Variants in SPECC1L observed in about 807,000 individuals in gnomAD.
The protein encoded by SPECC1L is sperm antigen with calponin homology and coiled-coil domains 1 like, also known as cytospin-A.
SPECC1L carries 40 observed loss-of-function variants against 116.8 expected under a neutral mutation model. The ratio of observed to expected loss-of-function variants is 0.34; its 90% CI spans 0.27 to 0.45. The LOEUF is 0.45. Ranked by LOEUF, SPECC1L falls within the 20% of genes least tolerant of loss-of-function variation. The probability of loss-of-function intolerance (pLI) is 1.00; values close to 1 mark genes in which losing one functional copy is unlikely to be tolerated. For missense variants in SPECC1L, 1,110 were observed against 1,373.6 expected, an observed-to-expected ratio of 0.81 and a Z score of 3.03; for synonymous variants, 504 against 500.6, an observed-to-expected ratio of 1.01 and a Z score of -0.09.
chr22:24,322,959 G>A (rs1183012090), intron 5 of SPECC1L, 41 bp downstream of exon 5: 4 of 1,611,278 alleles, frequency 2.5e-6, no homozygotes, highest in Non-Finnish European at 3.4e-6. Flanking sequence ...ACAGCATTAG[G>A]CAGCTGCCAT....
Position 24,322,430 on chromosome 22 carries a change from A to G in SPECC1L, c.1450A>G (p.Lys484Glu), listed in dbSNP as rs555677665. The change falls in exon 5 of 17, where the codon AAA becomes GAA. Residue 484 changes from lysine to glutamate, a missense_variant. Lys to Glu is a moderately conservative substitution (Grantham distance 56). This residue lies in a region of SPECC1L where 575 missense variants were observed against 682.4 expected (regional missense o/e 0.84). Transcript: ENST00000314328. ...HISYVIDEDVKSGRYMELEQR... is the reference protein window; with the variant it reads ...HISYVIDEDVESGRYMELEQR... ...TTCTTATGTCATAGATGAAGATGTA[A>G]AAAGTGGGCGCTATATGGAATTAGA... 1.2e-6 allele frequency: 2 copies of G among 1,614,202 alleles called. No individual in the cohort carries two copies. Among genetic ancestry groups the G allele is most frequent in the East Asian group, 4.5e-5 (2 of 44,882 alleles).
At chr22:24,395,336 T>C (rs2042346444) in intron 14 of SPECC1L, among the ~76,000 whole-genome samples, 1 of 152,200 alleles carries the variant, frequency 6.6e-6, no homozygotes, top group African/African-American at 2.4e-5. Flanking sequence ...GGTGAACTTT[T>C]TGGCCTGTGG....
intron 5 of SPECC1L, 47 bp downstream of exon 5, chr22:24,322,965 G>A (rs1159471908): frequency 1.2e-6 from 2 of 1,608,852 alleles, no homozygotes; most frequent in Admixed American, 3.3e-5. Flanking sequence ...TTAGGCAGCT[G>A]CCATGCACAG....
chr22:24,319,359 G>C (rs2040671759), intron 4 of SPECC1L, among the ~76,000 whole-genome samples: 1 of 152,158 alleles, frequency 6.6e-6, no homozygotes, highest in South Asian at 2.1e-4. Flanking sequence ...CTTACCATCG[G>C]CTGTCATGAG....
intron 4 of SPECC1L, among the ~76,000 whole-genome samples, chr22:24,318,348 G>A (rs1424056033): frequency 6.6e-6 from 1 of 152,194 alleles, no homozygotes; most frequent in Non-Finnish European, 1.5e-5. Context: ...GCGAAACCCC[G>A]TCTCCACCCA....
chr22:24,283,183 A>G (rs1429897599), intron 2 of SPECC1L, among the ~76,000 whole-genome samples: 1 of 151,966 alleles, frequency 6.6e-6, no homozygotes, highest in Non-Finnish European at 1.5e-5. Flanking sequence ...GGTTCACACC[A>G]TTCTCCTGCG....
chr22:24,358,295 G>A (rs1211072545), intron 11 of SPECC1L, among the ~76,000 whole-genome samples: 2 of 151,630 alleles, frequency 1.3e-5, no homozygotes, highest in East Asian at 1.9e-4. Flanking sequence ...TTTTGTAGAG[G>A]TGGGGTCTTG....
At chr22:24,290,213 G>A (rs1432219067) in intron 2 of SPECC1L, among the ~76,000 whole-genome samples, 3 of 152,200 alleles carry the variant, frequency 2.0e-5, no homozygotes, top group Non-Finnish European at 4.4e-5. Flanking sequence ...AGAAGAACTG[G>A]GTTAAAGCAG....
chr22:24,358,300 G>A (rs1231842448), intron 11 of SPECC1L, among the ~76,000 whole-genome samples: 1 of 151,782 alleles, frequency 6.6e-6, no homozygotes, highest in Non-Finnish European at 1.5e-5. Context: ...TAGAGGTGGG[G>A]TCTTGCTGTG....
intron 2 of SPECC1L, among the ~76,000 whole-genome samples, chr22:24,298,345 G>C (rs1251013496): frequency 6.6e-6 from 1 of 152,196 alleles, no homozygotes; most frequent in East Asian, 1.9e-4. Flanking sequence ...GCGTCTTTAT[G>C]TATAGGCAAA....
At chr22:24,390,854 T>C (rs1207602586) in intron 14 of SPECC1L, among the ~76,000 whole-genome samples, 1 of 108,204 alleles carries the variant, frequency 9.2e-6, no homozygotes, top group East Asian at 2.8e-4. Flanking sequence ...CTGTGTTCCT[T>C]TTTTTTTTTT....
intron 14 of SPECC1L, among the ~76,000 whole-genome samples, chr22:24,403,374 TA>T (rs2042518442): frequency 6.6e-6 from 1 of 152,254 alleles, no homozygotes. Context: ...AATTAGTAAG[TA>T]ATATGTTTTC....
chr22:24,364,133 T>G (rs8137515), intron 12 of SPECC1L, among the ~76,000 whole-genome samples: 18,388 of 152,036 alleles, frequency 0.12, 2,523 homozygotes, highest in African/African-American at 0.33. Context: ...TGCGTTCTGA[T>G]TACCTGGCAA....
At chr22:24,359,395 G>A (rs1432513540) in intron 11 of SPECC1L, among the ~76,000 whole-genome samples, 1 of 152,076 alleles carries the variant, frequency 6.6e-6, no homozygotes. Context: ...CTTTCCCTGG[G>A]TATCTCAAAG....
At chr22:24,392,816 C>T (rs750663161) in intron 14 of SPECC1L, among the ~76,000 whole-genome samples, 7 of 152,322 alleles carry the variant, frequency 4.6e-5, no homozygotes, top group Admixed American at 1.3e-4. Context: ...ATCTCATCTC[C>T]GCTCTACTCA....
At chr22:24,377,606 A>C (rs772014756) in intron 14 of SPECC1L, among the ~76,000 whole-genome samples, 51 of 152,208 alleles carry the variant, frequency 3.4e-4, no homozygotes, top group Non-Finnish European at 6.3e-4. Flanking sequence ...CTTGGCTTGA[A>C]GAGGCAAGAC....
chr22:24,376,053 G>A (rs1482253535), intron 14 of SPECC1L, among the ~76,000 whole-genome samples: 6 of 152,180 alleles, frequency 3.9e-5, no homozygotes, highest in Admixed American at 2.6e-4. Context: ...TCAGGAACAA[G>A]AAAGAATGTC....
At chr22:24,299,253 A>T (rs1419668893) in intron 2 of SPECC1L, among the ~76,000 whole-genome samples, 1 of 152,204 alleles carries the variant, frequency 6.6e-6, no homozygotes, top group Non-Finnish European at 1.5e-5. Context: ...ATTTCAGGAT[A>T]GTAAAGGTAT....
At chr22:24,348,344 A>G (rs2041347137) in intron 11 of SPECC1L, among the ~76,000 whole-genome samples, 1 of 152,220 alleles carries the variant, frequency 6.6e-6, no homozygotes, top group South Asian at 2.1e-4. Flanking sequence ...TAAAGAACCC[A>G]AAGGACTGGC....
Sources: gnomAD v4.1 joint callset for allele counts (sites outside exome capture counted in the v4.1 genomes callset) on GRCh38, gnomAD v4.1.1 for gene constraint, gnomAD v4.1.1 regional missense constraint, MANE v1.5 for transcripts, NCBI Gene and HGNC (gene_info 2026-07-23, HGNC 2026-07-21) for gene names.